ADAMTSL3: variants seen among roughly 807,000 people sequenced by gnomAD.
ADAMTSL3 encodes ADAMTS-like protein 3.
A neutral mutation model predicts 201.7 loss-of-function variants in ADAMTSL3; 128 were observed. The ratio of observed to expected loss-of-function variants is 0.63; its 90% CI spans 0.55 to 0.73. The LOEUF (loss-of-function observed/expected upper bound fraction) is 0.73. Ranked by LOEUF, ADAMTSL3 falls within the 30% of genes least tolerant of loss-of-function variation. The pLI is 0.00. For missense variants in ADAMTSL3, 1,990 were observed against 2,119.6 expected, an observed-to-expected ratio of 0.94 and a Z score of 1.20; for synonymous variants, 738 against 748.4, an observed-to-expected ratio of 0.99 and a Z score of 0.23.
At chr15:83,854,622 T>A (rs2064693003) in intron 7 of ADAMTSL3, among the ~76,000 whole-genome samples, 1 of 152,204 alleles carries the variant, frequency 6.6e-6, no homozygotes, top group African/African-American at 2.4e-5. Flanking sequence ...TGCAACAGTC[T>A]TTCACACAAT....
At chr15:83,899,848 A>G (rs1172805974) in intron 15 of ADAMTSL3, 117 bp downstream of exon 15, 5 of 1,360,552 alleles carry the variant, frequency 3.7e-6, no homozygotes, top group Non-Finnish European at 4.9e-6. Context: ...ACCTGGATTT[A>G]CAGACTCTAG....
intron 23 of ADAMTSL3, among the ~76,000 whole-genome samples, chr15:84,013,146 C>T (rs188634001): frequency 5.9e-5 from 9 of 152,304 alleles, no homozygotes; most frequent in African/African-American, 2.2e-4. Flanking sequence ...TCCAAAGCCA[C>T]ACAATGACTT....
At chr15:83,713,403 A>G (rs902076992) in intron 3 of ADAMTSL3, among the ~76,000 whole-genome samples, 1 of 152,186 alleles carries the variant, frequency 6.6e-6, no homozygotes, top group African/African-American at 2.4e-5. Flanking sequence ...GGCATAGTGA[A>G]GGGAGTAGAT....
At chr15:83,800,010 T>C (rs1361646510) in intron 4 of ADAMTSL3, among the ~76,000 whole-genome samples, 1 of 152,078 alleles carries the variant, frequency 6.6e-6, no homozygotes, top group African/African-American at 2.4e-5. Context: ...TCATACTAAA[T>C]TGTAACCAAA....
intron 3 of ADAMTSL3, among the ~76,000 whole-genome samples, chr15:83,738,449 T>C (rs991108836): frequency 6.6e-6 from 1 of 152,214 alleles, no homozygotes; most frequent in African/African-American, 2.4e-5. Flanking sequence ...TTGAACCTTC[T>C]AAAATTCTGT....
intron 5 of ADAMTSL3, among the ~76,000 whole-genome samples, chr15:83,818,093 G>T (rs2063796985): frequency 6.6e-6 from 1 of 151,922 alleles, no homozygotes; most frequent in Non-Finnish European, 1.5e-5. Flanking sequence ...ATAATGGAGG[G>T]CAATTTTGCA....
chr15:83,673,964 A>G (rs971960915), intron 2 of ADAMTSL3, among the ~76,000 whole-genome samples: 1 of 151,452 alleles, frequency 6.6e-6, no homozygotes, highest in African/African-American at 2.4e-5. Flanking sequence ...AGCTTCTTTA[A>G]TATGAAATGT....
At chr15:83,939,922 A>C (rs2066526051) in intron 17 of ADAMTSL3, among the ~76,000 whole-genome samples, 2 of 152,074 alleles carry the variant, frequency 1.3e-5, no homozygotes, top group African/African-American at 4.8e-5. Flanking sequence ...GCACCCCGCC[A>C]GGACCAACTT....
chr15:83,905,324 A>T (rs1320061082), intron 15 of ADAMTSL3, among the ~76,000 whole-genome samples: 4 of 152,208 alleles, frequency 2.6e-5, no homozygotes, highest in Non-Finnish European at 5.9e-5. Flanking sequence ...CCGGAAATAG[A>T]TGGTACATGA....
At chr15:84,002,744 C>T (rs778308733) in intron 23 of ADAMTSL3, among the ~76,000 whole-genome samples, 10 of 151,954 alleles carry the variant, frequency 6.6e-5, no homozygotes, top group Non-Finnish European at 1.0e-4. Flanking sequence ...TTTTATGAAT[C>T]GGACTTTCTT....
rs140625735 is a variant in ADAMTSL3, at chr15:83,736,904, C to T, written c.189+32396C>T. Among the ~76,000 whole-genome samples, 504 of 152,184 alleles carry T rather than the reference C, an allele frequency of 3.3e-3. 1 individual carries two copies. The highest frequency in any genetic ancestry group is 6.0e-3 in the Non-Finnish European group (407 of 68,010). On this transcript the variant is annotated intron_variant, in intron 3 of 29. Transcript: ENST00000286744. ...TGTCAAACAAACGGATACTTAAGTA[C>T]AAAGAGAAGAAGACAACCAAGACAC...
intron 2 of ADAMTSL3, among the ~76,000 whole-genome samples, chr15:83,694,593 G>A (rs531856005): frequency 3.0e-4 from 45 of 152,102 alleles, no homozygotes; most frequent in Non-Finnish European, 3.8e-4. Flanking sequence ...TTTGGGGGGC[G>A]GGCTCTAGGG....
chr15:83,686,629 G>T (rs1428462004), intron 2 of ADAMTSL3, among the ~76,000 whole-genome samples: 2 of 152,108 alleles, frequency 1.3e-5, no homozygotes, highest in Admixed American at 6.5e-5. Context: ...GCCCTTCTTA[G>T]GTATGGAGTC....
rs1330659248 is a variant in ADAMTSL3 at position 83,906,619 on chromosome 15, ACAC to A, written c.1701-6469_1701-6467del. ...TATCTATATATTTATATAGTGCCAC[ACAC>A]CACACACACACACACACACACACAC... On this transcript the variant is annotated intron_variant, in intron 15 of 29. Transcript: ENST00000286744. 1.4e-3 allele frequency among the ~76,000 whole-genome samples: 37 copies of A among 25,562 alleles called. 1 individual carries two copies. The East Asian group carries it at 0.035, about 24-fold the overall frequency. 16.8% of individuals were successfully genotyped at this position (25,562 alleles called of 152,430 possible). A position where few individuals can be genotyped will look rare whatever the true frequency, so the allele number is the denominator to read the frequency against.
chr15:83,776,675 C>T (rs12908469), intron 4 of ADAMTSL3, among the ~76,000 whole-genome samples: 22,567 of 152,048 alleles, frequency 0.15, 2,249 homozygotes, highest in Middle Eastern at 0.31. Context: ...TGAGATTGCG[C>T]CATTGCACTC....
At chr15:83,823,207 A>AGAGGGGGAGGGG (rs1330783191) in intron 6 of ADAMTSL3, among the ~76,000 whole-genome samples, 10 of 63,036 alleles carry the variant, frequency 1.6e-4, no homozygotes, top group African/African-American at 4.7e-4. Flanking sequence ...AGGGTGAGGG[A>AGAGGGGGAGGGG]GAGGGTGAGG....
At chr15:83,776,777 G>A (rs2063082505) in intron 4 of ADAMTSL3, among the ~76,000 whole-genome samples, 1 of 152,200 alleles carries the variant, frequency 6.6e-6, no homozygotes, top group South Asian at 2.1e-4. Context: ...CTCTGTGCTG[G>A]GGCATGTTTA....
At chr15:83,841,909 A>G (rs2064384763) in intron 7 of ADAMTSL3, among the ~76,000 whole-genome samples, 1 of 151,842 alleles carries the variant, frequency 6.6e-6, no homozygotes, top group South Asian at 2.1e-4. Context: ...AAGAACACAC[A>G]GACGCCGACA....
chr15:83,989,502 A>G (rs557837352), intron 22 of ADAMTSL3, among the ~76,000 whole-genome samples: 10 of 152,358 alleles, frequency 6.6e-5, no homozygotes, highest in African/African-American at 9.6e-5. Flanking sequence ...AGTCAACAAA[A>G]AAGAATAATT....
Sources: gnomAD v4.1 joint callset for allele counts (sites outside exome capture counted in the v4.1 genomes callset) on GRCh38, gnomAD v4.1.1 for gene constraint, MANE v1.5 for transcripts, NCBI Gene and HGNC (gene_info 2026-07-23, HGNC 2026-07-21) for gene names.